The following SNTG1 variants were observed in gnomAD, a reference collection of about 807,000 sequenced individuals.
The protein encoded by SNTG1 is gamma-1-syntrophin.
In SNTG1, 39 loss-of-function variants were observed where a neutral mutation model predicts 74.7. The ratio of observed to expected loss-of-function variants is 0.52; its 90% CI spans 0.40 to 0.68. The LOEUF (loss-of-function observed/expected upper bound fraction) is 0.68. SNTG1 is among the 30% of genes least tolerant of loss of function. The pLI is 0.00. For missense variants in SNTG1, 685 were observed against 609.5 expected (o/e 1.12, Z -1.30); for synonymous variants, 254 against 217.1 (o/e 1.17, Z -1.49).
At chr8:50,019,580 C>A (rs1816637779) in intron 1 of SNTG1, among the ~76,000 whole-genome samples, 1 of 152,076 alleles carries the variant, frequency 6.6e-6, no homozygotes, top group African/African-American at 2.4e-5. Context: ...TGTGCCCATT[C>A]ATTCATGTAT....
chr8:50,335,010 G>A (rs1410416251), intron 2 of SNTG1, among the ~76,000 whole-genome samples: 2 of 152,074 alleles, frequency 1.3e-5, no homozygotes, highest in African/African-American at 2.4e-5. Flanking sequence ...GTGTGGTGCA[G>A]GACCTAAAAA....
At chr8:50,412,318 A>T (rs1016086536) in intron 4 of SNTG1, among the ~76,000 whole-genome samples, 5 of 151,886 alleles carry the variant, frequency 3.3e-5, no homozygotes, top group Non-Finnish European at 7.4e-5. Flanking sequence ...TTTTGTACCT[A>T]TTTGTCTTTC....
At position 50,794,383 on chromosome 8, in the gene SNTG1, GA is replaced by G. The variant is rs1268754502; in HGVS notation, c.*1558del. On this transcript the variant is annotated 3_prime_UTR_variant, in exon 19 of 19. Transcript: ENST00000642720. The stretch of plus-strand genomic sequence containing the variant: ...GATTAATTTGTAAATACATCAAATT[GA>G]AAAGAAAAAGTGAGGGTTTATAATT... 1.3e-5 allele frequency: 2 copies of G among 151,708 alleles called. No homozygotes were observed. Among genetic ancestry groups the G allele is most frequent in the Non-Finnish European group, 2.9e-5 (2 of 67,858 alleles). 9.4% of individuals were successfully genotyped at this position (151,708 alleles called of 1,614,324 possible).
chr8:50,267,806 A>C (rs2087561008), intron 2 of SNTG1, among the ~76,000 whole-genome samples: 1 of 152,160 alleles, frequency 6.6e-6, no homozygotes, highest in Non-Finnish European at 1.5e-5. Context: ...GAACTAACTC[A>C]ATAGAGAGAA....
At chr8:50,783,653 G>A (rs1446104372) in intron 18 of SNTG1, among the ~76,000 whole-genome samples, 1 of 152,214 alleles carries the variant, frequency 6.6e-6, no homozygotes, top group Non-Finnish European at 1.5e-5. Flanking sequence ...CACTTCCCGA[G>A]TGAGGCAATG....
intron 1 of SNTG1, among the ~76,000 whole-genome samples, chr8:50,094,698 A>G (rs2079863926): frequency 6.6e-6 from 1 of 152,198 alleles, no homozygotes; most frequent in Non-Finnish European, 1.5e-5. Context: ...CATGTTGCAG[A>G]GACAAGGGAA....
intron 18 of SNTG1, among the ~76,000 whole-genome samples, chr8:50,770,246 CT>C (rs1335192559): frequency 6.6e-6 from 1 of 152,044 alleles, no homozygotes; most frequent in Non-Finnish European, 1.5e-5. Context: ...AAATTCCACT[CT>C]TCTGGAAAGG....
chr8:50,530,428 AT>A (rs33960420), intron 10 of SNTG1, among the ~76,000 whole-genome samples, 169 bp downstream of exon 10: 21,285 of 152,044 alleles, frequency 0.14, 1,617 homozygotes, highest in African/African-American at 0.18. Context: ...TTCTTATGCC[AT>A]TTTTTTCCCC....
intron 9 of SNTG1, among the ~76,000 whole-genome samples, chr8:50,523,622 C>T (rs1428618322): frequency 1.3e-5 from 2 of 152,204 alleles, no homozygotes; most frequent in East Asian, 3.9e-4. Flanking sequence ...AAGTTCCTTG[C>T]CTTATGTGGC....
intron 11 of SNTG1, among the ~76,000 whole-genome samples, chr8:50,543,424 G>T (rs998681283): frequency 6.6e-6 from 1 of 151,312 alleles, no homozygotes; most frequent in Admixed American, 6.6e-5. Flanking sequence ...TGCTCCATTG[G>T]TCTATGTGTC....
At chr8:50,507,471 G>A (rs917893856) in intron 9 of SNTG1, among the ~76,000 whole-genome samples, 1 of 151,966 alleles carries the variant, frequency 6.6e-6, no homozygotes, top group Non-Finnish European at 1.5e-5. Context: ...TTCGTATTTT[G>A]TGAGGAATTT....
intron 18 of SNTG1, 109 bp from the exon 19 acceptor site, chr8:50,792,562 A>T: frequency 8.9e-7 from 1 of 1,128,546 alleles, no homozygotes; most frequent in South Asian, 1.6e-5. Context: ...CATGTTACAT[A>T]TCATAGATTC....
At chr8:50,458,147 G>C (rs942628920) in intron 8 of SNTG1, 20 of 151,522 alleles carry the variant, frequency 1.3e-4, no homozygotes, top group East Asian at 5.8e-4. Context: ...AATACCAAAG[G>C]ATCATTAAGA....
chr8:50,732,250 T>C (rs1439852196), intron 17 of SNTG1, among the ~76,000 whole-genome samples: 1 of 151,974 alleles, frequency 6.6e-6, no homozygotes. Context: ...TTTATAATTA[T>C]AATTTGAGAA....
chr8:50,371,627 A>G (rs1267166218), intron 2 of SNTG1, among the ~76,000 whole-genome samples: 1 of 152,124 alleles, frequency 6.6e-6, no homozygotes, highest in Admixed American at 6.5e-5. Flanking sequence ...TAAAAAGGCA[A>G]TTTTTTAGGT....
chr8:50,160,157 T>C (rs1404938062), intron 1 of SNTG1, among the ~76,000 whole-genome samples: 20 of 152,212 alleles, frequency 1.3e-4, no homozygotes, highest in Admixed American at 1.2e-3. Flanking sequence ...AGTTTGTGTC[T>C]CATCTTCTGA....
chr8:50,502,967 T>G lies in SNTG1; in HGVS notation c.466+87T>G, dbSNP rs1051929328. 1.8e-5 allele frequency: 21 copies of G among 1,156,956 alleles called. No homozygotes were observed. In the Middle Eastern group the frequency reaches 8.7e-4, roughly 48 times the overall value. 71.7% of individuals were successfully genotyped at this position (1,156,956 alleles called of 1,614,324 possible). On this transcript the variant is annotated intron_variant, in intron 9 of 18. Transcript: ENST00000642720. ...TTGACAATAATTGGTGATTTCTTCT[T>G]AAAGTTGAGATTTTTGCCTGACTGT...
chr8:50,163,085 T>C (rs1303456701), intron 1 of SNTG1, among the ~76,000 whole-genome samples: 1 of 152,086 alleles, frequency 6.6e-6, no homozygotes, highest in African/African-American at 2.4e-5. Flanking sequence ...ACTGGCTAGG[T>C]CCCAGTTCAC....
At position 50,539,234 on chromosome 8, in the gene SNTG1, A is replaced by AATC. The variant is rs1176858873; in HGVS notation, c.680+2430_680+2432dup. Among the ~76,000 whole-genome samples the AATC allele has an allele frequency of 2.0e-5, 3 of 152,132 alleles. No individual in the cohort carries two copies. The East Asian group carries it at 5.8e-4, about 29-fold the overall frequency. ...ATTGATATGACAAGTGATTTAACAA[A>AATC]ATCATCCTAGACTTTTTGGATATTA... On this transcript the variant is annotated intron_variant, in intron 11 of 18. Transcript: ENST00000642720.
Sources: allele counts gnomAD v4.1 joint callset (sites outside exome capture counted in the v4.1 genomes callset), GRCh38; gene constraint gnomAD v4.1.1; transcripts MANE v1.5; gene names NCBI Gene and HGNC (gene_info 2026-07-23, HGNC 2026-07-21).